SLC1A3: variants seen among roughly 807,000 people sequenced by gnomAD.
SLC1A3 encodes excitatory amino acid transporter 1.
A neutral mutation model predicts 48.1 loss-of-function variants in SLC1A3; 21 were observed. The observed-to-expected ratio is 0.44, with a 90% CI of 0.31 to 0.63. The LOEUF (loss-of-function observed/expected upper bound fraction) is 0.63, where lower values mean the gene tolerates loss of function less well. Among genes scored for constraint, SLC1A3 ranks in the 20% least tolerant of loss-of-function variants. The probability of loss-of-function intolerance (pLI) is 0.08; values close to 1 mark genes in which losing one functional copy is unlikely to be tolerated. For missense variants in SLC1A3, 546 were observed against 689.0 expected, an observed-to-expected ratio of 0.79 and a Z score of 2.32; for synonymous variants, 239 against 251.4, an observed-to-expected ratio of 0.95 and a Z score of 0.47.
intron 2 of SLC1A3, among the ~76,000 whole-genome samples, chr5:36,619,562 G>T (rs1739583142): frequency 6.6e-6 from 1 of 151,368 alleles, no homozygotes; most frequent in Non-Finnish European, 1.5e-5. Context: ...ATCACTTGAG[G>T]CCAGAAGTTC....
At chr5:36,649,680 G>A (rs1740982399) in intron 3 of SLC1A3, among the ~76,000 whole-genome samples, 1 of 152,178 alleles carries the variant, frequency 6.6e-6, no homozygotes, top group African/African-American at 2.4e-5. Context: ...GAAAAGTCCT[G>A]ATCAATGATT....
intron 2 of SLC1A3, among the ~76,000 whole-genome samples, chr5:36,628,056 C>T (rs1739981894): frequency 6.6e-6 from 1 of 152,138 alleles, no homozygotes; most frequent in Non-Finnish European, 1.5e-5. Flanking sequence ...ACAATATGGG[C>T]AGGATTTTGC....
chr5:36,617,628 T>C (rs928962383), intron 2 of SLC1A3, among the ~76,000 whole-genome samples: 1 of 152,120 alleles, frequency 6.6e-6, no homozygotes, highest in African/African-American at 2.4e-5. Context: ...TTATTCCTTT[T>C]TTGACTCTTT....
intron 3 of SLC1A3, among the ~76,000 whole-genome samples, chr5:36,654,267 CTG>C (rs1741203716): frequency 6.6e-6 from 1 of 152,202 alleles, no homozygotes; most frequent in African/African-American, 2.4e-5. Flanking sequence ...AGAAAACACT[CTG>C]TGAGTGGGAT....
chr5:36,687,291 G>A lies in SLC1A3; in HGVS notation c.*1022G>A, dbSNP rs1049524. 48,187 of 152,136 alleles carry A rather than the reference G, an allele frequency of 0.32. 9,463 individuals are homozygous for A. The highest frequency in any genetic ancestry group is 0.51 in the South Asian group (2,464 of 4,818). 9.4% of individuals were successfully genotyped at this position (152,136 alleles called of 1,614,324 possible). On this transcript the variant is annotated 3_prime_UTR_variant, in exon 10 of 10. Coordinates refer to ENST00000265113, the MANE Select transcript of SLC1A3 (RefSeq NM_004172.5). ...ACTAGCAGCTAGCAAGGGTGCTTGT[G>A]GTCACACTGTGGAACACTAAAGAGC...
rs753379642 is a variant in SLC1A3, at chr5:36,680,473, C to T, written c.1173C>T (p.Leu391=). 7 of 1,614,056 alleles carry T rather than the reference C, an allele frequency of 4.3e-6. No individual in the cohort carries two copies. Among genetic ancestry groups the T allele is most frequent in the Non-Finnish European group, 5.1e-6 (6 of 1,180,002 alleles). The change falls in exon 8 of 10, where the codon CTC becomes CTT. Residue 391 remains leucine (L), a synonymous_variant. Coordinates refer to ENST00000265113, the MANE Select transcript of SLC1A3 (RefSeq NM_004172.5). ...ACAAGCGCGTCACCAGATTCGTGCT[C>T]CCCGTAGGAGCCACCATTAACATGG... The part of the protein sequence containing the change: ...GVDKRVTRFV[L]PVGATINMDG...
intron 3 of SLC1A3, among the ~76,000 whole-genome samples, chr5:36,663,238 C>G (rs1037581124): frequency 6.6e-6 from 1 of 152,034 alleles, no homozygotes; most frequent in African/African-American, 2.4e-5. Flanking sequence ...TTTTTAGAGA[C>G]GGAGTCTCGC....
intron 3 of SLC1A3, among the ~76,000 whole-genome samples, chr5:36,650,954 C>T (rs2111845378): frequency 6.6e-6 from 1 of 152,132 alleles, no homozygotes; most frequent in South Asian, 2.1e-4. Context: ...ATGGTAAAGG[C>T]CTCATGATTC....
At chr5:36,612,114 G>C (rs1388524086) in intron 2 of SLC1A3, among the ~76,000 whole-genome samples, 2 of 149,264 alleles carry the variant, frequency 1.3e-5, no homozygotes, top group Admixed American at 1.3e-4. Context: ...GTTTGCATTT[G>C]AGTTCTCCTT....
At chr5:36,674,155 G>A in intron 5 of SLC1A3, 64 bp downstream of exon 5, 1 of 1,289,118 alleles carries the variant, frequency 7.8e-7, no homozygotes, top group South Asian at 1.2e-5. Context: ...AACCAAGTGG[G>A]ACCCTCTTTT....
chr5:36,671,292 G>A lies in SLC1A3; in HGVS notation c.524+59G>A, dbSNP rs1741987157. On this transcript the variant is annotated intron_variant, in intron 4 of 9. Coordinates refer to ENST00000265113, the MANE Select transcript of SLC1A3 (RefSeq NM_004172.5). ...TTTTCGCCATCCAGACCCTCTTACT[G>A]GTTACTATTCAAACCCTGGAAGGGG... is the stretch of plus-strand genomic sequence containing the variant. 6 of 1,237,382 alleles carry A rather than the reference G, an allele frequency of 4.8e-6. No individual in the cohort carries two copies. In the Admixed American group the frequency reaches 9.3e-5, roughly 19 times the overall value. The allele number at this position is 1,237,382 out of a possible 1,614,324, so 76.7% of individuals were successfully genotyped here.
chr5:36,612,949 C>A, intron 2 of SLC1A3: 2 of 421,984 alleles, frequency 4.7e-6, no homozygotes, highest in Non-Finnish European at 9.6e-6. Flanking sequence ...AACTGAAAGC[C>A]CACTGGTGAG....
intron 3 of SLC1A3, among the ~76,000 whole-genome samples, chr5:36,640,267 T>A (rs532460147): frequency 2.6e-5 from 4 of 152,228 alleles, no homozygotes; most frequent in South Asian, 4.1e-4. Flanking sequence ...AAGTCTTAAG[T>A]GTCTGCAAAT....
rs571213918 is a variant in SLC1A3, at chr5:36,688,096, A to C, written c.*1827A>C. ...TTTCGGAAATACACTACAAATGTTA[A>C]AGTACGTGGCTGTCCTCTTAAGACA... is the stretch of plus-strand genomic sequence containing the variant. On this transcript the variant is annotated 3_prime_UTR_variant, in exon 10 of 10. Coordinates refer to ENST00000265113, the MANE Select transcript of SLC1A3 (RefSeq NM_004172.5). The C allele has an allele frequency of 6.6e-6, 1 of 152,344 alleles. No individual in the cohort carries two copies. The highest frequency in any genetic ancestry group is 2.1e-4 in the South Asian group (1 of 4,832). 9.4% of individuals were successfully genotyped at this position (152,344 alleles called of 1,614,324 possible). A position where few individuals can be genotyped will look rare whatever the true frequency, so the allele number is the denominator to read the frequency against.
intron 2 of SLC1A3, among the ~76,000 whole-genome samples, chr5:36,612,085 G>GCGCA (rs1554038712): frequency 3.4e-5 from 5 of 147,864 alleles, no homozygotes; most frequent in Non-Finnish European, 7.5e-5. Flanking sequence ...ACACACACAC[G>GCGCA]CACACACACA....
At chr5:36,627,866 C>A (rs1343132709) in intron 2 of SLC1A3, among the ~76,000 whole-genome samples, 1 of 152,172 alleles carries the variant, frequency 6.6e-6, no homozygotes, top group Non-Finnish European at 1.5e-5. Flanking sequence ...GTATATTTGA[C>A]TTTAAGCAAG....
At chr5:36,633,605 T>A (rs944701935) in intron 3 of SLC1A3, among the ~76,000 whole-genome samples, 1 of 152,210 alleles carries the variant, frequency 6.6e-6, no homozygotes, top group African/African-American at 2.4e-5. Flanking sequence ...AGAGCTTCCC[T>A]GCATCCCTTA....
chr5:36,598,883 C>T (rs570648724), intron 1 of SLC1A3, among the ~76,000 whole-genome samples: 1 of 152,274 alleles, frequency 6.6e-6, no homozygotes, highest in Non-Finnish European at 1.5e-5. Flanking sequence ...CAACCTTGGC[C>T]TTCCAAAGTG....
chr5:36,645,402 CTG>C (rs1246440855), intron 3 of SLC1A3, among the ~76,000 whole-genome samples: 1 of 134,874 alleles, frequency 7.4e-6, no homozygotes, highest in Non-Finnish European at 1.5e-5. Flanking sequence ...TCTCGGCTCA[CTG>C]TAACCTCCGC....
Sources: gnomAD v4.1 joint callset for allele counts (sites outside exome capture counted in the v4.1 genomes callset) on GRCh38, gnomAD v4.1.1 for gene constraint, MANE v1.5 for transcripts, NCBI Gene and HGNC (gene_info 2026-07-23, HGNC 2026-07-21) for gene names.